The following SHISA9 variants were observed in gnomAD, a reference collection of about 807,000 sequenced individuals.
SHISA9 encodes shisa family member 9.
SHISA9 carries 13 observed loss-of-function variants against 38.0 expected under a neutral mutation model. The ratio of observed to expected loss-of-function variants is 0.34; its 90% CI spans 0.22 to 0.54. The LOEUF (loss-of-function observed/expected upper bound fraction) is 0.54, where lower values mean the gene tolerates loss of function less well. Ranked by LOEUF, SHISA9 falls within the 20% of genes least tolerant of loss-of-function variation. The pLI, the probability that SHISA9 is intolerant of heterozygous loss-of-function variation, is 0.91. For synonymous variants in SHISA9, 275 were observed against 242.0 expected (o/e 1.14, Z -1.27); for missense variants, 538 against 575.8 (o/e 0.93, Z 0.67).
chr16:13,306,262 A>T, the SHISA9 span, among the ~76,000 whole-genome samples: 1 of 152,216 alleles, frequency 6.6e-6, no homozygotes, highest in African/African-American at 2.4e-5. Flanking sequence ...GACAGGAAAA[A>T]GTCAAAGATG....
the SHISA9 span, among the ~76,000 whole-genome samples, chr16:13,332,780 A>G: frequency 6.6e-6 from 1 of 152,152 alleles, no homozygotes; most frequent in Admixed American, 6.5e-5. Flanking sequence ...TATTAGGGGC[A>G]CAATAAAATA....
intron 2 of SHISA9, among the ~76,000 whole-genome samples, chr16:13,149,053 G>T (rs1473180074): frequency 6.6e-6 from 1 of 152,090 alleles, no homozygotes; most frequent in African/African-American, 2.4e-5. Context: ...CTAGGCAAAG[G>T]GATATTTACT....
the SHISA9 span, among the ~76,000 whole-genome samples, chr16:13,307,444 T>C: frequency 2.0e-5 from 3 of 152,186 alleles, no homozygotes; most frequent in Admixed American, 2.0e-4. Flanking sequence ...GGGGATACGC[T>C]TTCTGTTCTA....
At chr16:12,977,186 G>A (rs1241650466) in intron 2 of SHISA9, among the ~76,000 whole-genome samples, 1 of 152,262 alleles carries the variant, frequency 6.6e-6, no homozygotes, top group South Asian at 2.1e-4. Context: ...ATGGAGGCTC[G>A]GTTGGGCTGG....
At chr16:12,935,602 C>A (rs2071519823) in intron 2 of SHISA9, among the ~76,000 whole-genome samples, 2 of 152,066 alleles carry the variant, frequency 1.3e-5, no homozygotes, top group Non-Finnish European at 2.9e-5. Context: ...AATCCCAGCA[C>A]TTTGGGAGGC....
the SHISA9 span, among the ~76,000 whole-genome samples, chr16:13,458,998 A>G: frequency 6.6e-5 from 10 of 151,774 alleles, no homozygotes; most frequent in South Asian, 1.9e-3. Context: ...CTCCCAAGGC[A>G]TGCACCACCA....
At chr16:13,409,746 C>T in the SHISA9 span, among the ~76,000 whole-genome samples, 2 of 152,282 alleles carry the variant, frequency 1.3e-5, no homozygotes, top group Non-Finnish European at 2.9e-5. Flanking sequence ...GAATGTGTAA[C>T]AAGAGAGAAG....
At chr16:12,975,635 A>G (rs1255542411) in intron 2 of SHISA9, among the ~76,000 whole-genome samples, 2 of 40,556 alleles carry the variant, frequency 4.9e-5, no homozygotes. Context: ...GCAATGGTAA[A>G]TGGGTGGGGT....
At chr16:13,182,490 G>A (rs551725954) in intron 2 of SHISA9, among the ~76,000 whole-genome samples, 1 of 152,226 alleles carries the variant, frequency 6.6e-6, no homozygotes, top group African/African-American at 2.4e-5. Context: ...ATAACACTGA[G>A]TCAAAGGTAT....
chr16:13,391,899 T>C, the SHISA9 span, among the ~76,000 whole-genome samples: 1 of 152,230 alleles, frequency 6.6e-6, no homozygotes, highest in Non-Finnish European at 1.5e-5. Context: ...TTTGGAATGA[T>C]GCAGATTTAA....
chr16:13,472,146 T>G, the SHISA9 span, among the ~76,000 whole-genome samples: 2 of 152,160 alleles, frequency 1.3e-5, no homozygotes, highest in Non-Finnish European at 2.9e-5. Flanking sequence ...CTGGAAAACA[T>G]ATACTTGCTG....
At chr16:13,011,435 T>C (rs2072673307) in intron 2 of SHISA9, among the ~76,000 whole-genome samples, 1 of 151,186 alleles carries the variant, frequency 6.6e-6, no homozygotes, top group Non-Finnish European at 1.5e-5. Context: ...GACTTGCTCA[T>C]CCTACATATC....
intron 2 of SHISA9, among the ~76,000 whole-genome samples, chr16:13,080,606 G>A (rs1407556734): frequency 6.6e-6 from 1 of 152,156 alleles, no homozygotes; most frequent in Non-Finnish European, 1.5e-5. Context: ...GGATTGAGAG[G>A]ACTGAGGAGA....
intron 4 of SHISA9, among the ~76,000 whole-genome samples, chr16:13,221,879 A>G (rs1344498684): frequency 6.6e-6 from 1 of 152,160 alleles, no homozygotes; most frequent in Non-Finnish European, 1.5e-5. Flanking sequence ...CCTGTTTTGG[A>G]TATAGCTGTC....
At chr16:13,424,219 AAT>A in the SHISA9 span, among the ~76,000 whole-genome samples, 107,375 of 151,430 alleles carry the variant, frequency 0.71, 38,224 homozygotes, top group East Asian at 0.81. Context: ...TCCTCTCCTG[AAT>A]ATCTCACTAG....
chr16:13,085,754 A>G (rs888066306), intron 2 of SHISA9, among the ~76,000 whole-genome samples: 3 of 152,192 alleles, frequency 2.0e-5, no homozygotes, highest in Admixed American at 6.5e-5. Context: ...TCTTATTTCT[A>G]TATCCCTTGA....
the SHISA9 span, among the ~76,000 whole-genome samples, chr16:13,519,200 C>T: frequency 3.9e-5 from 6 of 152,114 alleles, no homozygotes; most frequent in Admixed American, 2.0e-4. Flanking sequence ...GAATAATGCT[C>T]ATCAAATAAA....
At chr16:13,501,838 C>A in the SHISA9 span, among the ~76,000 whole-genome samples, 1 of 151,996 alleles carries the variant, frequency 6.6e-6, no homozygotes, top group Non-Finnish European at 1.5e-5. Context: ...CCCGTCTCTA[C>A]TAAAAATACA....
intron 2 of SHISA9, among the ~76,000 whole-genome samples, chr16:13,174,319 C>G (rs907683880): frequency 1.3e-5 from 2 of 152,138 alleles, no homozygotes; most frequent in Admixed American, 1.3e-4. Flanking sequence ...CTCTGGGAAC[C>G]CAGATATTCC....
Sources: gnomAD v4.1 joint callset for allele counts (sites outside exome capture counted in the v4.1 genomes callset) on GRCh38, gnomAD v4.1.1 for gene constraint, MANE v1.5 for transcripts, NCBI Gene and HGNC (gene_info 2026-07-23, HGNC 2026-07-21) for gene names.